Variants in PTPRQ observed in about 807,000 individuals in gnomAD.
PTPRQ encodes the protein protein tyrosine phosphatase receptor type Q.
A neutral mutation model predicts 246.0 loss-of-function variants in PTPRQ; 199 were observed. The observed-to-expected ratio is 0.81, with a 90% confidence interval of 0.72 to 0.91. The LOEUF (loss-of-function observed/expected upper bound fraction) is 0.91, where lower values mean the gene tolerates loss of function less well. Ranked by LOEUF, PTPRQ falls within the 40% of genes least tolerant of loss-of-function variation. PTPRQ has a pLI of 0.00. For synonymous variants in PTPRQ, 869 were observed against 853.2 expected (o/e 1.02, Z -0.32); for missense variants, 2,624 against 2,528.4 (o/e 1.04, Z -0.81).
At chr12:80,617,276 C>G (rs531063099) in intron 30 of PTPRQ, among the ~76,000 whole-genome samples, 2 of 151,144 alleles carry the variant, frequency 1.3e-5, no homozygotes, top group African/African-American at 4.8e-5. Context: ...ACCCTTAAGA[C>G]CCCTGCCTGG....
chr12:80,474,368 A>G (rs1893746977), intron 8 of PTPRQ, among the ~76,000 whole-genome samples: 1 of 152,210 alleles, frequency 6.6e-6, no homozygotes, highest in Admixed American at 6.5e-5. Context: ...TACCTTTTAA[A>G]ACAATTGGTG....
At chr12:80,648,763 A>G (rs1565840615) in intron 35 of PTPRQ, 134 bp from the exon 36 acceptor site, 7 of 608,170 alleles carry the variant, frequency 1.2e-5, no homozygotes, top group Non-Finnish European at 1.8e-5. Context: ...TAAAATAATG[A>G]TCATATATTA....
In PTPRQ at chr12:80,557,152, A is replaced by C. The variant is rs540398140; in HGVS notation, c.4285+7418A>C. Among the ~76,000 whole-genome samples the C allele has an allele frequency of 3.9e-5, 6 of 152,170 alleles. No individual in the cohort carries two copies. In the East Asian group the frequency reaches 1.2e-3, roughly 29 times the overall value. ...TGAGCCTCCTAAGTAATACAGAATA[A>C]AATCTCCAGTCATTTCAATGGCCCA... On this transcript the variant is annotated intron_variant, in intron 25 of 44. Transcript: ENST00000644991.
intron 25 of PTPRQ, among the ~76,000 whole-genome samples, chr12:80,552,997 C>G (rs922459491): frequency 1.3e-5 from 2 of 151,904 alleles, no homozygotes; most frequent in Admixed American, 1.3e-4. Flanking sequence ...ACCGCAAACT[C>G]TTTGCTTGTA....
At chr12:80,484,672 A>C in intron 9 of PTPRQ, 67 bp downstream of exon 9, 1 of 1,512,108 alleles carries the variant, frequency 6.6e-7, no homozygotes, top group Non-Finnish European at 8.8e-7. Context: ...ATAGCTTGGA[A>C]GATTTGCTAG....
intron 43 of PTPRQ, 48 bp downstream of exon 43, chr12:80,673,352 C>A (rs1299139076): frequency 6.6e-7 from 1 of 1,518,398 alleles, no homozygotes; most frequent in Non-Finnish European, 8.8e-7. Flanking sequence ...AGAATTTCCA[C>A]ATGGGAGATC....
intron 25 of PTPRQ, among the ~76,000 whole-genome samples, chr12:80,563,618 G>A (rs986192616): frequency 1.3e-5 from 2 of 152,124 alleles, no homozygotes; most frequent in Non-Finnish European, 2.9e-5. Context: ...GTAGAAATCC[G>A]GGTTTCCAAC....
intron 29 of PTPRQ, among the ~76,000 whole-genome samples, chr12:80,614,903 C>A (rs1230281797): frequency 1.3e-5 from 2 of 150,804 alleles, no homozygotes; most frequent in African/African-American, 4.8e-5. Context: ...AAAATAGGAA[C>A]CAAAAATGTG....
intron 17 of PTPRQ, among the ~76,000 whole-genome samples, chr12:80,521,879 G>GT (rs1179864212): frequency 6.6e-6 from 1 of 152,120 alleles, no homozygotes; most frequent in Non-Finnish European, 1.5e-5. Flanking sequence ...CTTTAAAGTA[G>GT]TTTTTTCCAA....
chr12:80,526,552 T>A (rs998746044), intron 17 of PTPRQ, among the ~76,000 whole-genome samples: 1 of 152,062 alleles, frequency 6.6e-6, no homozygotes, highest in African/African-American at 2.4e-5. Context: ...AAGGCCAAAA[T>A]AGTAAATTTA....
intron 9 of PTPRQ, among the ~76,000 whole-genome samples, chr12:80,490,339 T>C (rs894923824): frequency 2.6e-5 from 4 of 152,016 alleles, no homozygotes; most frequent in Non-Finnish European, 4.4e-5. Context: ...AACTGATAGA[T>C]GTGATAGGGT....
At chr12:80,622,185 G>T in intron 33 of PTPRQ, 51 bp downstream of exon 33, 1 of 1,259,798 alleles carries the variant, frequency 7.9e-7, no homozygotes, top group Non-Finnish European at 1.0e-6. Context: ...TATCAAAGTT[G>T]GAACATTTAT....
chr12:80,574,097 G>A (rs1035740922), intron 25 of PTPRQ, among the ~76,000 whole-genome samples: 5 of 152,066 alleles, frequency 3.3e-5, no homozygotes, highest in African/African-American at 4.8e-5. Context: ...AAAAACATGC[G>A]TATTGTGATT....
In PTPRQ at chr12:80,589,094, G is replaced by A. The variant is rs77162591; in HGVS notation, c.4609+642G>A. On this transcript the variant is annotated intron_variant, in intron 26 of 44. Transcript: ENST00000644991. ...TTCCATACAAACCACTAAATGTATAGGTAAAGATTGCTCTTGCAACTTAGG... is the reference window on the plus strand; with the variant it reads ...TTCCATACAAACCACTAAATGTATAAGTAAAGATTGCTCTTGCAACTTAGG... Among the ~76,000 whole-genome samples the A allele has an allele frequency of 3.8e-4, 58 of 152,294 alleles. No individual in the cohort carries two copies. The East Asian group carries it at 9.8e-3, about 26-fold the overall frequency.
At position 80,459,297 on chromosome 12, in the gene PTPRQ, G is replaced by A. The variant is rs896918833; in HGVS notation, c.474G>A (p.Val158=). 111 of 398,254 alleles carry A rather than the reference G, an allele frequency of 2.8e-4. No homozygotes were observed. Among genetic ancestry groups the A allele is most frequent in the Non-Finnish European group, 4.3e-4 (98 of 225,918 alleles). The allele number at this position is 398,254 out of a possible 1,614,324, so 24.7% of individuals were successfully genotyped here. The part of the protein sequence containing the change: ...FQTAESAPGK[V]VNLTVEAYNA... ...TCTCTTCCCCAGCTCCAGGAAAAGT[G>A]GTGAATCTCACAGTTGAGGCCTACA... Residue 158 remains valine, a synonymous_variant, in exon 5 of 45, where the codon GTG becomes GTA. Transcript: ENST00000644991.
At chr12:80,584,953 G>T (rs552912369) in intron 25 of PTPRQ, among the ~76,000 whole-genome samples, 1 of 151,836 alleles carries the variant, frequency 6.6e-6, no homozygotes, top group South Asian at 2.1e-4. Flanking sequence ...AAAACAGAAT[G>T]TGTTGTAAAT....
intron 26 of PTPRQ, among the ~76,000 whole-genome samples, chr12:80,588,674 G>A (rs749166561): frequency 1.8e-4 from 27 of 152,168 alleles, no homozygotes; most frequent in Non-Finnish European, 3.5e-4. Flanking sequence ...TCCCAAAGTT[G>A]TGCCAAGGTC....
At chr12:80,552,215 G>A (rs1409166462) in intron 25 of PTPRQ, among the ~76,000 whole-genome samples, 1 of 152,056 alleles carries the variant, frequency 6.6e-6, no homozygotes, top group East Asian at 1.9e-4. Flanking sequence ...ATCAAGGGGT[G>A]ACAGGTGTTT....
chr12:80,609,712 A>G (rs955975020), intron 27 of PTPRQ, among the ~76,000 whole-genome samples: 2 of 150,632 alleles, frequency 1.3e-5, no homozygotes, highest in East Asian at 1.9e-4. Flanking sequence ...GTACTAAATC[A>G]GAGTTTTTCA....
Sources: allele counts gnomAD v4.1 joint callset (sites outside exome capture counted in the v4.1 genomes callset), GRCh38; gene constraint gnomAD v4.1.1; transcripts MANE v1.5; gene names NCBI Gene and HGNC (gene_info 2026-07-23, HGNC 2026-07-21).